The following RASAL2 variants were observed in gnomAD, a reference collection of about 807,000 sequenced individuals.
RASAL2 encodes ras GTPase-activating protein nGAP.
RASAL2 carries 58 observed loss-of-function variants against 128.9 expected under a neutral mutation model. The observed-to-expected ratio is 0.45, with a 90% CI of 0.36 to 0.56. RASAL2 has a LOEUF of 0.56. RASAL2 is among the 20% of genes least tolerant of loss of function. The probability of loss-of-function intolerance (pLI) is 0.00; values close to 1 mark genes in which losing one functional copy is unlikely to be tolerated. For synonymous variants in RASAL2, 561 were observed against 580.8 expected, an observed-to-expected ratio of 0.97 and a Z score of 0.49; for missense variants, 1,360 against 1,601.6, an observed-to-expected ratio of 0.85 and a Z score of 2.57.
At chr1:178,146,095 A>G (rs1048317323) in intron 1 of RASAL2, among the ~76,000 whole-genome samples, 1 of 152,218 alleles carries the variant, frequency 6.6e-6, no homozygotes, top group Non-Finnish European at 1.5e-5. Context: ...TAATTCTGCA[A>G]ATTTTATTGA....
rs200841437 is a variant in RASAL2 at position 178,445,513 on chromosome 1, A to T, written c.1483-5A>T. On this transcript the variant is annotated splice_region_variant and splice_polypyrimidine_tract_variant and intron_variant, in intron 8 of 17. Coordinates refer to ENST00000367649, the MANE Select transcript of RASAL2 (RefSeq NM_170692.4). ...TTTCTGCCTGATTGAACATTATTCT[A>T]CCAGGATTTTCTGACTGACTTGGTG... 5 of 1,612,318 alleles carry T rather than the reference A, an allele frequency of 3.1e-6. No individual in the cohort carries two copies. Among genetic ancestry groups the T allele is most frequent in the Non-Finnish European group, 4.2e-6 (5 of 1,179,208 alleles).
chr1:178,125,894 GATATAGTAC>G (rs1659881063), intron 1 of RASAL2, among the ~76,000 whole-genome samples: 1 of 152,156 alleles, frequency 6.6e-6, no homozygotes, highest in African/African-American at 2.4e-5. Context: ...TTGTATTGTT[GATATAGTAC>G]ATATTTTTGG....
intron 4 of RASAL2, among the ~76,000 whole-genome samples, chr1:178,417,648 A>G (rs1258715931): frequency 6.6e-6 from 1 of 151,532 alleles, no homozygotes. Flanking sequence ...AATCCCAGCT[A>G]CTCGGGAGGT....
intron 2 of RASAL2, among the ~76,000 whole-genome samples, chr1:178,297,964 A>G (rs976761352): frequency 2.6e-5 from 4 of 152,122 alleles, no homozygotes; most frequent in African/African-American, 9.7e-5. Flanking sequence ...AGAAACTACT[A>G]CTTTTTTTCT....
chr1:178,464,310 C>T lies in RASAL2; in HGVS notation c.3285C>T (p.Ser1095=). The T allele has an allele frequency of 6.2e-7, 1 of 1,613,474 alleles. No homozygotes were observed. The highest frequency in any genetic ancestry group is 1.1e-5 in the South Asian group (1 of 90,950). Residue 1095 remains serine, a synonymous_variant, in exon 15 of 18, where the codon TCC becomes TCT. Coordinates refer to ENST00000367649, the MANE Select transcript of RASAL2 (RefSeq NM_170692.4). The stretch of plus-strand genomic sequence containing the variant: ...CACCTGTGGACTCTGCCACAATGTC[C>T]CCAGTAGAGAGGACAGCAGCCTGGG... ...VQSPVDSATM[S]PVERTAAWVL...
intron 2 of RASAL2, among the ~76,000 whole-genome samples, chr1:178,298,381 C>G (rs1403643531): frequency 6.6e-6 from 1 of 152,074 alleles, no homozygotes; most frequent in Non-Finnish European, 1.5e-5. Flanking sequence ...CAAAGAGTAA[C>G]CATAGTTATG....
chr1:178,331,371 C>T (rs1669301577), intron 3 of RASAL2, among the ~76,000 whole-genome samples: 1 of 152,120 alleles, frequency 6.6e-6, no homozygotes, highest in Non-Finnish European at 1.5e-5. Context: ...TGTCCTATGA[C>T]ATTGTCAGTG....
intron 1 of RASAL2, among the ~76,000 whole-genome samples, chr1:178,096,677 CAT>C (rs1658701424): frequency 6.6e-6 from 1 of 151,816 alleles, no homozygotes; most frequent in Non-Finnish European, 1.5e-5. Context: ...GTGACACACA[CAT>C]ATACATACCA....
chr1:178,235,503 G>T (rs1053255672), intron 1 of RASAL2, among the ~76,000 whole-genome samples: 2 of 152,074 alleles, frequency 1.3e-5, no homozygotes, highest in African/African-American at 2.4e-5. Context: ...AAGGAATTTC[G>T]ATTCCAGTAA....
intron 4 of RASAL2, among the ~76,000 whole-genome samples, chr1:178,407,247 A>G (rs1176913983): frequency 6.6e-6 from 1 of 152,232 alleles, no homozygotes; most frequent in African/African-American, 2.4e-5. Flanking sequence ...TGGACTTCCA[A>G]ATAACTGGAA....
intron 1 of RASAL2, among the ~76,000 whole-genome samples, chr1:178,154,942 ACCTC>A (rs1661034894): frequency 6.6e-6 from 1 of 152,002 alleles, no homozygotes; most frequent in Non-Finnish European, 1.5e-5. Context: ...TCCTGCCTCA[ACCTC>A]CTGAGTACCT....
intron 1 of RASAL2, among the ~76,000 whole-genome samples, chr1:178,215,512 C>A (rs1663395534): frequency 6.6e-6 from 1 of 152,194 alleles, no homozygotes; most frequent in Non-Finnish European, 1.5e-5. Flanking sequence ...TTTGCTAAGA[C>A]TTGAGTGTTC....
intron 4 of RASAL2, among the ~76,000 whole-genome samples, chr1:178,390,498 C>T (rs756337880): frequency 7.2e-5 from 11 of 152,092 alleles, no homozygotes; most frequent in Non-Finnish European, 1.2e-4. Context: ...CCTGCCTCAG[C>T]CTCCGGAGTA....
At chr1:178,221,670 C>T (rs899801599) in intron 1 of RASAL2, among the ~76,000 whole-genome samples, 2 of 152,102 alleles carry the variant, frequency 1.3e-5, no homozygotes, top group African/African-American at 4.8e-5. Context: ...TGTTTTATGA[C>T]CTAGAATGTG....
At chr1:178,322,324 C>G (rs997548775) in intron 3 of RASAL2, among the ~76,000 whole-genome samples, 1 of 152,112 alleles carries the variant, frequency 6.6e-6, no homozygotes, top group Non-Finnish European at 1.5e-5. Context: ...TATCCTTACC[C>G]TTTTTCTTTT....
intron 1 of RASAL2, among the ~76,000 whole-genome samples, chr1:178,235,077 G>A (rs771792239): frequency 1.3e-5 from 2 of 152,076 alleles, no homozygotes; most frequent in African/African-American, 2.4e-5. Flanking sequence ...CCTCCTTGAT[G>A]TGCCTCTATT....
At chr1:178,441,098 G>A (rs1676616633) in intron 6 of RASAL2, among the ~76,000 whole-genome samples, 1 of 152,112 alleles carries the variant, frequency 6.6e-6, no homozygotes, top group South Asian at 2.1e-4. Flanking sequence ...ACCTGGAAAT[G>A]GATGTGGATG....
chr1:178,351,119 A>C (rs1432676102), intron 3 of RASAL2, among the ~76,000 whole-genome samples: 3 of 152,158 alleles, frequency 2.0e-5, no homozygotes, highest in Non-Finnish European at 2.9e-5. Flanking sequence ...GACAGGACCA[A>C]GGTTGCATGG....
chr1:178,321,738 C>T (rs983889517), intron 3 of RASAL2, among the ~76,000 whole-genome samples: 1 of 151,812 alleles, frequency 6.6e-6, no homozygotes, highest in Non-Finnish European at 1.5e-5. Context: ...TCTGTAATCC[C>T]AGCACTTTGG....
Sources: gnomAD v4.1 joint callset for allele counts (sites outside exome capture counted in the v4.1 genomes callset) on GRCh38, gnomAD v4.1.1 for gene constraint, MANE v1.5 for transcripts, NCBI Gene and HGNC (gene_info 2026-07-23, HGNC 2026-07-21) for gene names.